The following GSG1 variants were observed in gnomAD, a reference collection of about 807,000 sequenced individuals.
The protein encoded by GSG1 is germ cell associated 1, also known as germ cell-specific gene 1 protein.
Under a neutral mutation model 30.8 loss-of-function variants are expected in GSG1, and 28 were observed. The observed-to-expected ratio is 0.91, with a 90% confidence interval of 0.67 to 1.25. The LOEUF (loss-of-function observed/expected upper bound fraction) is 1.25, where lower values mean the gene tolerates loss of function less well. Among genes scored for constraint, GSG1 ranks in the 50% most tolerant of loss-of-function variants. The pLI is 0.00. For missense variants in GSG1, 435 were observed against 444.7 expected (o/e 0.98, Z 0.20); for synonymous variants, 162 against 178.0 (o/e 0.91, Z 0.71).
intron 1 of GSG1, among the ~76,000 whole-genome samples, chr12:13,091,692 A>C (rs1020283649): frequency 4.6e-5 from 7 of 152,230 alleles, no homozygotes; most frequent in African/African-American, 1.7e-4. Context: ...CAACAGGGCT[A>C]TCTGTCTCTA....
At chr12:13,099,339 C>G (rs1344710696) in intron 1 of GSG1, among the ~76,000 whole-genome samples, 1 of 152,202 alleles carries the variant, frequency 6.6e-6, no homozygotes, top group Non-Finnish European at 1.5e-5. Context: ...CTCAGAAGCT[C>G]ATGACTCAGC....
At chr12:13,089,437 G>A (rs3736208) in intron 2 of GSG1, 161 bp from the exon 3 acceptor site, 547,964 of 1,204,100 alleles carry the variant, frequency 0.46, 127,745 homozygotes, top group African/African-American at 0.48. Flanking sequence ...TTCCCAGGCC[G>A]GTCACCTTTC....
In GSG1 at chr12:13,102,452, G is replaced by A. The variant is rs1162470341; in HGVS notation, c.48+1013C>T. On this transcript the variant is annotated intron_variant, in intron 1 of 6. Transcript: ENST00000651961. ...ATAAAATTTATTCTAAGCCATGACT[G>A]GCTTTTTCTGTCATGTTCACATCCA... 5.3e-5 allele frequency among the ~76,000 whole-genome samples: 8 copies of A among 152,190 alleles called. No individual in the cohort carries two copies. The South Asian group carries it at 8.3e-4, about 16-fold the overall frequency.
intron 1 of GSG1, among the ~76,000 whole-genome samples, chr12:13,094,798 G>A (rs1293581308): frequency 3.9e-5 from 6 of 152,008 alleles, no homozygotes; most frequent in African/African-American, 1.4e-4. Flanking sequence ...TATCACATCA[G>A]ATTTTAACCC....
intron 1 of GSG1, among the ~76,000 whole-genome samples, chr12:13,092,822 A>G (rs375698557): frequency 3.4e-5 from 5 of 147,626 alleles, no homozygotes; most frequent in African/African-American, 1.3e-4. Flanking sequence ...ACGGAGTGTC[A>G]CTCTTGTTGC....
At chr12:13,103,425 G>A (rs536365473) in intron 1 of GSG1, 40 bp downstream of exon 1, 1 of 1,406,448 alleles carries the variant, frequency 7.1e-7, no homozygotes, top group South Asian at 1.2e-5. Flanking sequence ...AAAGATATGT[G>A]TATGAGATGT....
At position 13,087,173 on chromosome 12, in the gene GSG1, C is replaced by T; in HGVS notation, c.725G>A (p.Trp242Ter). The T allele has an allele frequency of 6.2e-7, 1 of 1,613,520 alleles. No homozygotes were observed. The highest frequency in any genetic ancestry group is 8.5e-7 in the Non-Finnish European group (1 of 1,179,496). ...TTACTAGAAGGCCCAGCCATAATTC[C>T]AAACATGTGGTCTCCAGTCTTCTGG... ...LGPEDWRPHVWNYGWAFYMAW... is the reference protein window; with the variant it reads ...LGPEDWRPHV The change falls in exon 6 of 7, where the codon TGG (tryptophan) becomes TAG (stop). Residue 242 changes from tryptophan (W) to a stop codon, truncating the protein, a stop_gained. Transcript: ENST00000651961. LOFTEE classifies it low-confidence loss of function (END_TRUNC).
At chr12:13,090,292 C>T (rs1235495757) in intron 2 of GSG1, among the ~76,000 whole-genome samples, 1 of 152,184 alleles carries the variant, frequency 6.6e-6, no homozygotes, top group East Asian at 1.9e-4. Context: ...GGACTTTCAA[C>T]CTTATTAAAA....
At chr12:13,089,186 T>C (rs1448388423) in intron 3 of GSG1, 22 bp downstream of exon 3, 6 of 1,551,016 alleles carry the variant, frequency 3.9e-6, no homozygotes, top group Admixed American at 2.0e-5. Flanking sequence ...GAAGAGTTAA[T>C]GATCTTAGTG....
At chr12:13,087,380 A>G (rs533164673) in intron 5 of GSG1, 117 bp from the exon 6 acceptor site, 1 of 693,904 alleles carries the variant, frequency 1.4e-6, no homozygotes, top group South Asian at 1.7e-5. Flanking sequence ...GGAGTAGCCC[A>G]TTACCCTATG....
At position 13,084,409 on chromosome 12, in the gene GSG1, T is replaced by C. The variant is rs909061730; in HGVS notation, c.*492A>G. ...GGATGCAGGACACTGTCCCAGGCAG[T>C]GTGGAGGACTTCTGTGCTATATGAC... On this transcript the variant is annotated 3_prime_UTR_variant, in exon 7 of 7. Coordinates refer to ENST00000651961, the MANE Select transcript of GSG1 (RefSeq NM_001080555.4). 1.3e-5 allele frequency: 2 copies of C among 156,348 alleles called. No homozygotes were observed. The highest frequency in any genetic ancestry group is 2.8e-5 in the Non-Finnish European group (2 of 70,442). The allele number at this position is 156,348 out of a possible 1,614,324, so 9.7% of individuals were successfully genotyped here. A position where few individuals can be genotyped will look rare whatever the true frequency, so the allele number is the denominator to read the frequency against.
rs886732037 is a variant in GSG1, at chr12:13,101,370, C to T, written c.48+2095G>A. On this transcript the variant is annotated intron_variant, in intron 1 of 6. Coordinates refer to ENST00000651961, the MANE Select transcript of GSG1 (RefSeq NM_001080555.4). The surrounding 1 kb of genome is among the most constrained non-coding windows in gnomAD (Gnocchi z 5.8). ...CCGTGTTTGGCATTGTTTGCGAGGC[C>T]CCGCCCCGCGGCCGCCAACCACCCA... Among the ~76,000 whole-genome samples the T allele has an allele frequency of 1.3e-5, 2 of 152,342 alleles. No individual in the cohort carries two copies. Among genetic ancestry groups the T allele is most frequent in the African/African-American group, 4.8e-5 (2 of 41,582 alleles).
At chr12:13,091,169 C>T (rs2120766462) in intron 1 of GSG1, among the ~76,000 whole-genome samples, 1 of 152,306 alleles carries the variant, frequency 6.6e-6, no homozygotes, top group Admixed American at 6.5e-5. Context: ...TTGTAGAAAC[C>T]AGAGTCCCTT....
Position 13,087,193 on chromosome 12 carries a change from T to G in GSG1, c.705A>C (p.Glu235Asp). 6.2e-7 allele frequency: 1 copy of G among 1,614,100 alleles called. No individual in the cohort carries two copies. The highest frequency in any genetic ancestry group is 2.2e-5 in the East Asian group (1 of 44,882). Residue 235 changes from glutamate to aspartate, a missense_variant, in exon 6 of 7, where the codon GAA (glutamate) becomes GAC (aspartate). Coordinates refer to ENST00000651961, the MANE Select transcript of GSG1 (RefSeq NM_001080555.4). ...AATTCCAAACATGTGGTCTCCAGTCTTCTGGACCCAAGTTGACAGTCGCTT... is the reference window on the plus strand; with the variant it reads ...AATTCCAAACATGTGGTCTCCAGTCGTCTGGACCCAAGTTGACAGTCGCTT... Reference protein sequence around the residue: ...VFQATVNLGPEDWRPHVWNYG... With the variant: ...VFQATVNLGPDDWRPHVWNYG...
chr12:13,088,878 T>C lies in GSG1; in HGVS notation c.465A>G (p.Thr155=). 1.9e-6 allele frequency: 3 copies of C among 1,614,068 alleles called. No homozygotes were observed. The highest frequency in any genetic ancestry group is 1.1e-5 in the South Asian group (1 of 91,080). Reference sequence around the variant, plus strand: ...CTTTCTCACCTCTCTTGGCTGGTGGTGTAAGTTCAATGAAACTTCGGCACC... The same window carrying C: ...CTTTCTCACCTCTCTTGGCTGGTGGCGTAAGTTCAATGAAACTTCGGCACC... ...GERCRSFIEL[T]PPAKREILWL... is the part of the protein sequence containing the mutation. Residue 155 remains threonine, a synonymous_variant, in exon 4 of 7, where the codon ACA becomes ACG. Coordinates refer to ENST00000651961, the MANE Select transcript of GSG1 (RefSeq NM_001080555.4).
At chr12:13,096,526 A>T (rs368110424) in intron 1 of GSG1, among the ~76,000 whole-genome samples, 1 of 151,730 alleles carries the variant, frequency 6.6e-6, no homozygotes, top group African/African-American at 2.4e-5. Flanking sequence ...CCCTCTACAC[A>T]TGGAATGCTG....
chr12:13,088,172 G>T (rs1473225602), intron 4 of GSG1, 113 bp from the exon 5 acceptor site: 3 of 1,128,138 alleles, frequency 2.7e-6, no homozygotes, highest in Non-Finnish European at 3.8e-6. Context: ...TCTGAGAAGG[G>T]GAGAATGAGG....
intron 1 of GSG1, among the ~76,000 whole-genome samples, chr12:13,096,814 G>A (rs930248867): frequency 2.0e-5 from 3 of 152,120 alleles, no homozygotes; most frequent in Non-Finnish European, 4.4e-5. Flanking sequence ...ATAGCTGGGC[G>A]CGATGGTTCA....
At chr12:13,102,778 TG>T (rs1448003010) in intron 1 of GSG1, among the ~76,000 whole-genome samples, 3 of 152,258 alleles carry the variant, frequency 2.0e-5, no homozygotes, top group African/African-American at 7.2e-5. Context: ...GAACACCATT[TG>T]TTTTTTTAAG....
Sources: gnomAD v4.1 joint callset for allele counts (sites outside exome capture counted in the v4.1 genomes callset) on GRCh38, gnomAD v4.1.1 for gene constraint, Gnocchi (gnomAD v3.1) non-coding constraint, MANE v1.5 for transcripts, NCBI Gene and HGNC (gene_info 2026-07-23, HGNC 2026-07-21) for gene names.